TRPM1: variants seen among roughly 807,000 people sequenced by gnomAD.
TRPM1 encodes the protein transient receptor potential cation channel subfamily M member 1, also known as TRPM1-203 APA Isoform, Intron 10.
Under a neutral mutation model 149.4 loss-of-function variants are expected in TRPM1, and 113 were observed. The ratio of observed to expected loss-of-function variants is 0.76; its 90% confidence interval spans 0.65 to 0.88. TRPM1 has a LOEUF of 0.88. TRPM1 is among the 40% of genes least tolerant of loss of function. TRPM1 has a pLI of 0.00. For synonymous variants in TRPM1, 741 were observed against 759.5 expected, an observed-to-expected ratio of 0.98 and a Z score of 0.40; for missense variants, 1,976 against 2,038.7, an observed-to-expected ratio of 0.97 and a Z score of 0.59.
At chr15:31,031,296 T>A in intron 22 of TRPM1, 139 bp from the exon 23 acceptor site, 1 of 926,124 alleles carries the variant, frequency 1.1e-6, no homozygotes, top group Non-Finnish European at 1.7e-6. Flanking sequence ...CTTCCTTTCT[T>A]CCCATCCCTG....
chr15:31,118,250 C>T (rs1480214233), intron 1 of TRPM1, among the ~76,000 whole-genome samples: 2 of 152,032 alleles, frequency 1.3e-5, no homozygotes, highest in South Asian at 2.1e-4. Context: ...AGAGCCAGAC[C>T]CTGTCTCAAA....
intron 16 of TRPM1, 89 bp downstream of exon 16, chr15:31,046,115 G>A (rs1350760781): frequency 1.5e-6 from 2 of 1,314,424 alleles, no homozygotes; most frequent in Non-Finnish European, 2.2e-6. Flanking sequence ...TTGGTGAGTA[G>A]TATCGTATAT....
chr15:31,070,457 C>G (rs760298055), intron 3 of TRPM1: 6 of 700,554 alleles, frequency 8.6e-6, no homozygotes, highest in Admixed American at 6.0e-5. Context: ...GATGGTTGCT[C>G]TTTCGGAAAA....
intron 25 of TRPM1, 51 bp downstream of exon 25, chr15:31,028,281 A>T: frequency 6.2e-7 from 1 of 1,611,788 alleles, no homozygotes; most frequent in Non-Finnish European, 8.5e-7. Flanking sequence ...TAAATGGAAA[A>T]TCTGTACAGT....
chr15:31,068,530 T>C (rs2034445017), intron 4 of TRPM1, among the ~76,000 whole-genome samples: 2 of 151,548 alleles, frequency 1.3e-5, no homozygotes, highest in African/African-American at 4.8e-5. Context: ...TCACTTGAGG[T>C]CAGGAGTTCG....
chr15:31,123,006 C>T (rs1021542071), intron 1 of TRPM1, among the ~76,000 whole-genome samples: 2 of 152,142 alleles, frequency 1.3e-5, no homozygotes, highest in African/African-American at 4.8e-5. Flanking sequence ...AAATTTAATG[C>T]AACAGAGCAG....
At chr15:31,104,178 G>C (rs1368123369), upstream of TRPM1, among the ~76,000 whole-genome samples, 2 of 152,110 alleles carry the variant, frequency 1.3e-5, no homozygotes, top group East Asian at 3.9e-4. Flanking sequence ...TTCTCCTCAT[G>C]GGGGAGCCAT....
intron 3 of TRPM1, among the ~76,000 whole-genome samples, chr15:31,072,828 T>C (rs1182441158): frequency 6.6e-6 from 1 of 152,160 alleles, no homozygotes; most frequent in African/African-American, 2.4e-5. Flanking sequence ...TTTGGAAAGA[T>C]GTCTATTCAT....
chr15:31,023,352 G>A (rs920282619), intron 27 of TRPM1, among the ~76,000 whole-genome samples: 7 of 152,260 alleles, frequency 4.6e-5, no homozygotes, highest in African/African-American at 1.7e-4. Context: ...GGAGAAGATA[G>A]TGCATGGCAA....
chr15:31,025,300 T>C (rs570703960), intron 27 of TRPM1, among the ~76,000 whole-genome samples: 1 of 152,286 alleles, frequency 6.6e-6, no homozygotes, highest in South Asian at 2.1e-4. Context: ...AAAATGCTTT[T>C]AGTAAATGAT....
intron 1 of TRPM1, among the ~76,000 whole-genome samples, chr15:31,152,446 C>G (rs1207189882): frequency 6.6e-6 from 1 of 152,210 alleles, no homozygotes; most frequent in Non-Finnish European, 1.5e-5. Context: ...GGACCCCTGA[C>G]TGAGGCTGTG....
At chr15:31,062,445 T>C (rs2034258021) in intron 9 of TRPM1, 134 bp downstream of exon 9, 1 of 1,133,708 alleles carries the variant, frequency 8.8e-7, no homozygotes, top group African/African-American at 1.5e-5. Context: ...CAATTTGGTA[T>C]GCATTTGTAC....
At chr15:31,100,922 T>G (rs1449286166) in intron 1 of TRPM1, among the ~76,000 whole-genome samples, 1 of 152,212 alleles carries the variant, frequency 6.6e-6, no homozygotes, top group Non-Finnish European at 1.5e-5. Flanking sequence ...CTCCTCAGGA[T>G]GGGTTCCTAG....
chr15:31,035,160 C>T (rs796993341), intron 21 of TRPM1, among the ~76,000 whole-genome samples: 1 of 152,170 alleles, frequency 6.6e-6, no homozygotes, highest in Non-Finnish European at 1.5e-5. Context: ...AACTGCCACA[C>T]GACCGGCTAA....
chr15:31,019,064 G>A (rs146506021), intron 27 of TRPM1, among the ~76,000 whole-genome samples: 370 of 152,334 alleles, frequency 2.4e-3, no homozygotes, highest in African/African-American at 7.8e-3. Flanking sequence ...AGAGTTAAAT[G>A]TTAACATAAA....
intron 4 of TRPM1, 92 bp from the exon 5 acceptor site, chr15:31,068,184 A>G: frequency 8.6e-7 from 1 of 1,165,522 alleles, no homozygotes; most frequent in Middle Eastern, 2.4e-4. Flanking sequence ...CCAAGCAAGA[A>G]CTGCCTGGCT....
At chr15:31,101,570 G>A in intron 1 of TRPM1, 87 bp downstream of exon 1, 1 of 820,364 alleles carries the variant, frequency 1.2e-6, no homozygotes, top group Non-Finnish European at 1.5e-6. Context: ...ATCTGCACCT[G>A]AGTTTGTCCA....
At chr15:31,112,131 TAGA>T (rs2035698566) in intron 1 of TRPM1, among the ~76,000 whole-genome samples, 1 of 152,186 alleles carries the variant, frequency 6.6e-6, no homozygotes, top group Non-Finnish European at 1.5e-5. Context: ...AGTGTGGCAA[TAGA>T]AGAAGGGATG....
At chr15:31,074,344 G>GT (rs908218360) in intron 3 of TRPM1, among the ~76,000 whole-genome samples, 12 of 151,974 alleles carry the variant, frequency 7.9e-5, no homozygotes, top group Non-Finnish European at 1.0e-4. Flanking sequence ...TCTTTGGACA[G>GT]TTTTTTTATT....
Sources: allele counts gnomAD v4.1 joint callset (sites outside exome capture counted in the v4.1 genomes callset), GRCh38; gene constraint gnomAD v4.1.1; transcripts MANE v1.5; gene names NCBI Gene and HGNC (gene_info 2026-07-23, HGNC 2026-07-21).